PDE6A: variants seen among roughly 807,000 people sequenced by gnomAD.
The protein encoded by PDE6A is phosphodiesterase 6A.
Under a neutral mutation model 106.3 loss-of-function variants are expected in PDE6A, and 84 were observed. The ratio of observed to expected loss-of-function variants is 0.79; its 90% CI spans 0.66 to 0.95. PDE6A has a LOEUF of 0.95. PDE6A is among the 40% of genes least tolerant of loss of function. PDE6A has a pLI of 0.00. For missense variants in PDE6A, 1,052 were observed against 1,084.9 expected, an observed-to-expected ratio of 0.97 and a Z score of 0.43; for synonymous variants, 394 against 386.6, an observed-to-expected ratio of 1.02 and a Z score of -0.23.
chr5:149,860,933 C>G lies in PDE6A; in HGVS notation c.2545G>C (p.Gly849Arg). 1 of 1,614,168 alleles carries G rather than the reference C, an allele frequency of 6.2e-7. No individual in the cohort carries two copies. The highest frequency in any genetic ancestry group is 8.5e-7 in the Non-Finnish European group (1 of 1,180,018). The change falls in exon 22 of 22, where the codon GGG (glycine) becomes CGG (arginine). Residue 849 changes from glycine (G) to arginine (R), a missense_variant. Around this residue, in one of 3 missense-constraint regions of PDE6A, gnomAD observed 135 missense variants for 153.2 expected, o/e 0.88. Transcript: ENST00000255266. ...CAGGACTTGGATGTAGTTGCACCCC[C>G]TGGGCTGGGGTTTCCCCCCGGCTGA... ...GNQPGGNPSPGGATTSKSCCI... is the reference protein window; with the variant it reads ...GNQPGGNPSPRGATTSKSCCI...
intron 1 of PDE6A, among the ~76,000 whole-genome samples, chr5:149,939,835 C>T (rs1754280203): frequency 6.6e-6 from 1 of 151,804 alleles, no homozygotes; most frequent in South Asian, 2.1e-4. Context: ...ATACCCAGTG[C>T]GATGCCCTCA....
chr5:149,914,066 C>A (rs985476109), intron 6 of PDE6A, among the ~76,000 whole-genome samples: 1 of 152,156 alleles, frequency 6.6e-6, no homozygotes, highest in Non-Finnish European at 1.5e-5. Flanking sequence ...AGTAGCACTG[C>A]AGAAAACAGT....
rs1752219575 is a variant in PDE6A, at chr5:149,884,765, T to G, written c.1926+15A>C. On this transcript the variant is annotated intron_variant, in intron 15 of 21. Transcript: ENST00000255266. ...CCAGGCCCCGCGGCCTGTAGACCCT[T>G]GGCCCTCATCCTACCTCGTCTCTGA... 6.2e-7 allele frequency: 1 copy of G among 1,610,620 alleles called. No homozygotes were observed. Among genetic ancestry groups the G allele is most frequent in the Non-Finnish European group, 8.5e-7 (1 of 1,176,850 alleles).
At chr5:149,865,462 A>G (rs917355155) in intron 20 of PDE6A, among the ~76,000 whole-genome samples, 1 of 152,080 alleles carries the variant, frequency 6.6e-6, no homozygotes, top group Non-Finnish European at 1.5e-5. Context: ...AAAAAAAGAA[A>G]TATTACTGAT....
chr5:149,924,625 T>A (rs2113646190), intron 4 of PDE6A, among the ~76,000 whole-genome samples: 1 of 152,300 alleles, frequency 6.6e-6, no homozygotes, highest in Non-Finnish European at 1.5e-5. Context: ...ATGACTCGTT[T>A]GTTTCAGACC....
chr5:149,886,129 C>G (rs571404597), intron 14 of PDE6A, 136 bp downstream of exon 14: 9 of 714,930 alleles, frequency 1.3e-5, no homozygotes, highest in Non-Finnish European at 2.3e-5. Context: ...GGAGGAGACC[C>G]GGATCCCAAG....
In PDE6A at chr5:149,898,410, C is replaced by CT. The variant is rs1477314740; in HGVS notation, c.1359dup (p.Val454SerfsTer8). On this transcript the variant is annotated frameshift_variant, in exon 10 of 22. Transcript: ENST00000255266. LOFTEE classifies it high-confidence loss of function. ...TTGTCACACTTCACATGATATTTTA[C>CT]TATGTCCTGGAAAATATCCTTCCTA... is the stretch of plus-strand genomic sequence containing the variant. 2 of 1,613,360 alleles carry CT rather than the reference C, an allele frequency of 1.2e-6. No homozygotes were observed. Among genetic ancestry groups the CT allele is most frequent in the Non-Finnish European group, 1.7e-6 (2 of 1,179,452 alleles).
chr5:149,884,407 T>C (rs1163605673), intron 16 of PDE6A, 72 bp downstream of exon 16: 6 of 885,072 alleles, frequency 6.8e-6, no homozygotes, highest in Non-Finnish European at 9.5e-6. Flanking sequence ...TGTATATATA[T>C]GTGTGTATAT....
chr5:149,878,583 G>A (rs1760822134), intron 17 of PDE6A, among the ~76,000 whole-genome samples: 1 of 152,192 alleles, frequency 6.6e-6, no homozygotes, highest in Admixed American at 6.5e-5. Flanking sequence ...AGCTTTGATA[G>A]GTGTTGCCAA....
chr5:149,884,460 A>G lies in PDE6A; in HGVS notation c.2027+19T>C. 6.6e-7 allele frequency: 1 copy of G among 1,507,066 alleles called. No homozygotes were observed. Among genetic ancestry groups the G allele is most frequent in the Non-Finnish European group, 9.2e-7 (1 of 1,082,676 alleles). The allele number at this position is 1,507,066 out of a possible 1,614,324, so 93.4% of individuals were successfully genotyped here. The stretch of plus-strand genomic sequence containing the variant: ...TAATCATTGTTGCTTTTACTATTAG[A>G]ATGAGAAGATATACCAACTTGAAAT... On this transcript the variant is annotated intron_variant, in intron 16 of 21. Transcript: ENST00000255266.
intron 6 of PDE6A, among the ~76,000 whole-genome samples, chr5:149,910,727 G>T (rs1753352965): frequency 6.6e-6 from 1 of 152,122 alleles, no homozygotes; most frequent in African/African-American, 2.4e-5. Context: ...AACTCCTGTA[G>T]TAGGGGCCCT....
intron 7 of PDE6A, among the ~76,000 whole-genome samples, chr5:149,905,838 T>A (rs891734222): frequency 1.3e-5 from 2 of 152,194 alleles, no homozygotes; most frequent in African/African-American, 4.8e-5. Context: ...AGGAAGCTGC[T>A]AGAGTTATCT....
intron 4 of PDE6A, among the ~76,000 whole-genome samples, chr5:149,924,113 C>T (rs1185703712): frequency 6.6e-6 from 1 of 152,118 alleles, no homozygotes; most frequent in Admixed American, 6.5e-5. Context: ...CTGAGCCCCA[C>T]AACCTGCTGA....
At position 149,932,251 on chromosome 5, in the gene PDE6A, C is replaced by G. The variant is rs1278244073; in HGVS notation, c.718-1083G>C. 2.1e-6 allele frequency: 3 copies of G among 1,409,656 alleles called. No homozygotes were observed. The East Asian group carries it at 6.8e-5, about 32-fold the overall frequency. The allele number at this position is 1,409,656 out of a possible 1,614,324, so 87.3% of individuals were successfully genotyped here. A position where few individuals can be genotyped will look rare whatever the true frequency, so the allele number is the denominator to read the frequency against. On this transcript the variant is annotated intron_variant, in intron 3 of 21. Transcript: ENST00000255266. The stretch of plus-strand genomic sequence containing the variant: ...AGAGAATCATTTCTGACCAGCTGTC[C>G]ATTTTGGCGAACAGCAGTTTCACTC...
intron 17 of PDE6A, among the ~76,000 whole-genome samples, chr5:149,880,263 T>C (rs1760876437): frequency 6.6e-6 from 1 of 152,180 alleles, no homozygotes; most frequent in African/African-American, 2.4e-5. Flanking sequence ...GAATCACCCT[T>C]AAATGAATAA....
chr5:149,919,323 A>G (rs1753639416), intron 5 of PDE6A, among the ~76,000 whole-genome samples: 1 of 152,172 alleles, frequency 6.6e-6, no homozygotes, highest in Non-Finnish European at 1.5e-5. Context: ...CCTGGCCAAC[A>G]TAGTGAAACC....
chr5:149,861,203 A>G (rs1057243316), intron 21 of PDE6A, among the ~76,000 whole-genome samples: 4 of 152,246 alleles, frequency 2.6e-5, no homozygotes, highest in African/African-American at 9.6e-5. Context: ...CTCGGCACCA[A>G]TGTCTGGGAG....
At chr5:149,921,190 T>A (rs1288949619) in intron 5 of PDE6A, among the ~76,000 whole-genome samples, 1 of 152,092 alleles carries the variant, frequency 6.6e-6, no homozygotes, top group Non-Finnish European at 1.5e-5. Context: ...TTTCCACAGC[T>A]GTGAAATGAG....
intron 4 of PDE6A, among the ~76,000 whole-genome samples, chr5:149,923,566 AACATAACATAACAAAC>A (rs1329456673): frequency 9.4e-5 from 9 of 95,540 alleles, no homozygotes; most frequent in African/African-American, 4.3e-4. Flanking sequence ...AACATAACAT[AACATAACATAACAAAC>A]AACAACACTA....
Sources: allele counts gnomAD v4.1 joint callset (sites outside exome capture counted in the v4.1 genomes callset), GRCh38; gene constraint gnomAD v4.1.1; regional missense constraint gnomAD v4.1.1; transcripts MANE v1.5; gene names NCBI Gene and HGNC (gene_info 2026-07-23, HGNC 2026-07-21).